The following RPS6KA2 variants were observed in gnomAD, a reference collection of about 807,000 sequenced individuals.
RPS6KA2 encodes the protein ribosomal protein S6 kinase alpha-2.
A neutral mutation model predicts 91.8 loss-of-function variants in RPS6KA2; 42 were observed. That is an observed-to-expected ratio of 0.46 (90% confidence interval 0.36 to 0.59). RPS6KA2 has a LOEUF of 0.59. RPS6KA2 is among the 20% of genes least tolerant of loss of function. The pLI, the probability that RPS6KA2 is intolerant of heterozygous loss-of-function variation, is 0.00. For synonymous variants in RPS6KA2, 414 were observed against 393.6 expected (o/e 1.05, Z -0.61); for missense variants, 798 against 978.5 (o/e 0.82, Z 2.46).
chr6:166,841,843 G>A (rs1237897389), intron 2 of RPS6KA2, among the ~76,000 whole-genome samples: 1 of 152,180 alleles, frequency 6.6e-6, no homozygotes, highest in Non-Finnish European at 1.5e-5. Context: ...AGGACAGAGG[G>A]TCTGATACAA....
chr6:166,805,247 A>C (rs1779463112), intron 2 of RPS6KA2, among the ~76,000 whole-genome samples: 1 of 152,198 alleles, frequency 6.6e-6, no homozygotes, highest in African/African-American at 2.4e-5. Context: ...CGCAACCTGC[A>C]GGTAGCTTAA....
chr6:166,571,660 AT>A (rs1279181060), intron 1 of RPS6KA2, among the ~76,000 whole-genome samples: 1 of 144,354 alleles, frequency 6.9e-6, no homozygotes, highest in Non-Finnish European at 1.5e-5. Context: ...AAGAAATAAA[AT>A]TAGATAGGTG....
chr6:166,541,894 A>G (rs1043663220), intron 1 of RPS6KA2, among the ~76,000 whole-genome samples: 5 of 152,102 alleles, frequency 3.3e-5, no homozygotes, highest in Non-Finnish European at 7.4e-5. Context: ...CCCTAATAAT[A>G]TTGCGATAGA....
Position 166,508,194 on chromosome 6 carries a change from G to T in RPS6KA2, c.459+9C>A, listed in dbSNP as rs758150062. 1.3e-6 allele frequency: 2 copies of T among 1,592,386 alleles called. No individual in the cohort carries two copies. The highest frequency in any genetic ancestry group is 2.2e-5 in the East Asian group (1 of 44,712). On this transcript the variant is annotated intron_variant, in intron 5 of 20. Transcript: ENST00000265678. The surrounding 1 kb of genome is among the most constrained non-coding windows in gnomAD (Gnocchi z 4.3). ...GCCCGCCCTCCTGTGTGATGTGGCG[G>T]CTGCTCACCTCTTTGGAGAGCCGGG...
At chr6:166,841,254 AAAAAATAAAAAATG>A (rs1411640548) in intron 2 of RPS6KA2, among the ~76,000 whole-genome samples, 1 of 152,240 alleles carries the variant, frequency 6.6e-6, no homozygotes, top group Non-Finnish European at 1.5e-5. Flanking sequence ...TCGTGTATCA[AAAAAATAAAAAATG>A]AAAAATAAAA....
chr6:166,454,524 A>G (rs1374087652), intron 12 of RPS6KA2, among the ~76,000 whole-genome samples: 2 of 152,122 alleles, frequency 1.3e-5, no homozygotes, highest in African/African-American at 4.8e-5. Flanking sequence ...AAAAACAAGC[A>G]AACGAAAAAA....
At chr6:166,810,533 A>G (rs1779603331) in intron 2 of RPS6KA2, among the ~76,000 whole-genome samples, 1 of 152,218 alleles carries the variant, frequency 6.6e-6, no homozygotes, top group South Asian at 2.1e-4. Flanking sequence ...GAGGCTAAAA[A>G]AAAAGTATCT....
chr6:166,550,811 G>A (rs1471401793), intron 1 of RPS6KA2, among the ~76,000 whole-genome samples: 2 of 151,958 alleles, frequency 1.3e-5, no homozygotes, highest in African/African-American at 4.8e-5. Context: ...CACCATCCTG[G>A]CTAACACGGT....
chr6:166,550,770 AG>A (rs1783978369), intron 1 of RPS6KA2, among the ~76,000 whole-genome samples: 2 of 152,054 alleles, frequency 1.3e-5, no homozygotes, highest in Admixed American at 6.5e-5. Context: ...TGGGAGGCCA[AG>A]GCGGTCAGAT....
At position 166,836,198 on chromosome 6, in the gene RPS6KA2, T is replaced by C. The variant is rs538921317; in HGVS notation, c.123+22002A>G. 2.0e-5 allele frequency among the ~76,000 whole-genome samples: 3 copies of C among 152,202 alleles called. No individual in the cohort carries two copies. The South Asian group carries it at 6.2e-4, about 31-fold the overall frequency. ...GGAGAGACATGGTCCTATAGTTTTCTGTTTTTGTTTTTGTTTTTCTTGTAA... is the reference window on the plus strand; with the variant it reads ...GGAGAGACATGGTCCTATAGTTTTCCGTTTTTGTTTTTGTTTTTCTTGTAA... On this transcript the variant is annotated intron_variant, in intron 2 of 21. Coordinates refer to the RPS6KA2 transcript ENST00000503859.
At chr6:166,699,229 C>T (rs1789440310) in intron 2 of RPS6KA2, among the ~76,000 whole-genome samples, 1 of 152,152 alleles carries the variant, frequency 6.6e-6, no homozygotes, top group Non-Finnish European at 1.5e-5. Context: ...GATGACCTGG[C>T]ACTCAGGTCT....
chr6:166,750,915 T>C (rs959177669), intron 2 of RPS6KA2, among the ~76,000 whole-genome samples: 6 of 152,198 alleles, frequency 3.9e-5, no homozygotes, highest in Non-Finnish European at 8.8e-5. Context: ...ACTGTGATCA[T>C]ATTCAGGAGG....
intron 16 of RPS6KA2, among the ~76,000 whole-genome samples, chr6:166,429,874 T>C (rs1026445756): frequency 7.9e-5 from 12 of 152,164 alleles, no homozygotes; most frequent in African/African-American, 2.9e-4. Context: ...TCTGTTTTTC[T>C]CTTGTTAACC....
At chr6:166,762,226 C>T (rs1214062808) in intron 2 of RPS6KA2, among the ~76,000 whole-genome samples, 3 of 152,220 alleles carry the variant, frequency 2.0e-5, no homozygotes, top group Admixed American at 2.0e-4. Context: ...TCCCCTCCCT[C>T]AGTCTCCCCA....
chr6:166,776,667 G>T (rs535592837), intron 2 of RPS6KA2, among the ~76,000 whole-genome samples: 23 of 152,320 alleles, frequency 1.5e-4, no homozygotes, highest in African/African-American at 5.3e-4. Flanking sequence ...ACAGCGTGGG[G>T]TCTTCTGGGT....
intron 2 of RPS6KA2, among the ~76,000 whole-genome samples, chr6:166,832,034 CATG>C (rs1320119473): frequency 7.8e-6 from 1 of 128,446 alleles, no homozygotes; most frequent in African/African-American, 3.0e-5. Flanking sequence ...ATAGATGATA[CATG>C]ATAGATAGAT....
At chr6:166,429,785 C>T (rs1484409709) in intron 16 of RPS6KA2, among the ~76,000 whole-genome samples, 2 of 152,024 alleles carry the variant, frequency 1.3e-5, no homozygotes, top group East Asian at 1.9e-4. Flanking sequence ...GCTATATAAG[C>T]TCAAGTTCTA....
At chr6:166,788,636 T>C (rs879623050) in intron 2 of RPS6KA2, among the ~76,000 whole-genome samples, 1 of 152,072 alleles carries the variant, frequency 6.6e-6, no homozygotes, top group Non-Finnish European at 1.5e-5. Flanking sequence ...AGCTGAACAA[T>C]GAGACCACTT....
chr6:166,853,585 C>A (rs957429737), intron 2 of RPS6KA2, among the ~76,000 whole-genome samples: 1 of 151,426 alleles, frequency 6.6e-6, no homozygotes, highest in Admixed American at 6.6e-5. Context: ...GCTGGCCGAG[C>A]GCAGCCGCCG....
Sources: allele counts gnomAD v4.1 joint callset (sites outside exome capture counted in the v4.1 genomes callset), GRCh38; gene constraint gnomAD v4.1.1; non-coding constraint Gnocchi (gnomAD v3.1); transcripts MANE v1.5; gene names NCBI Gene and HGNC (gene_info 2026-07-23, HGNC 2026-07-21).